CCDC171: variants seen among roughly 807,000 people sequenced by gnomAD.
The protein encoded by CCDC171 is coiled-coil domain containing 171.
CCDC171 carries 177 observed loss-of-function variants against 168.2 expected under a neutral mutation model. That is an observed-to-expected ratio of 1.05 (90% CI 0.93 to 1.19). The LOEUF (loss-of-function observed/expected upper bound fraction) is 1.19, where lower values mean the gene tolerates loss of function less well. CCDC171 is among the 50% of genes most tolerant of loss of function. CCDC171 has a pLI of 0.00. For missense variants in CCDC171, 1,991 were observed against 1,539.0 expected, an observed-to-expected ratio of 1.29 and a Z score of -4.91; for synonymous variants, 687 against 540.8, an observed-to-expected ratio of 1.27 and a Z score of -3.75.
At chr9:15,580,491 A>G (rs2041022423) in intron 4 of CCDC171, among the ~76,000 whole-genome samples, 1 of 152,214 alleles carries the variant, frequency 6.6e-6, no homozygotes, top group Admixed American at 6.5e-5. Flanking sequence ...GCATCTGACA[A>G]AGGAGTAATA....
chr9:15,578,891 G>T lies in CCDC171; in HGVS notation c.220G>T (p.Val74Phe), dbSNP rs1440379125. Residue 74 changes from valine to phenylalanine, a missense_variant, in exon 4 of 26, where the codon GTT becomes TTT. Coordinates refer to ENST00000380701, the MANE Select transcript of CCDC171 (RefSeq NM_173550.4). ...ESQIAKLRSE[V>F]EKGEALRQSL... ...CCAGATTGCCAAGCTACGGTCCGAG[G>T]TTGAAAAGGGAGAAGCATTGCGACA... The T allele has an allele frequency of 6.2e-7, 1 of 1,613,972 alleles. No homozygotes were observed. Among genetic ancestry groups the T allele is most frequent in the Non-Finnish European group, 8.5e-7 (1 of 1,179,932 alleles).
intron 1 of CCDC171, among the ~76,000 whole-genome samples, chr9:15,560,677 C>G (rs1423616050): frequency 6.6e-6 from 1 of 152,118 alleles, no homozygotes; most frequent in Admixed American, 6.5e-5. Context: ...TTTGAACATC[C>G]TCCTTTAGCT....
chr9:16,026,090 C>T (rs998189669), intron 6 of CCDC171, among the ~76,000 whole-genome samples: 1 of 152,150 alleles, frequency 6.6e-6, no homozygotes, highest in East Asian at 1.9e-4. Context: ...CTCAGAGATA[C>T]CATGTCACGC....
intron 22 of CCDC171, among the ~76,000 whole-genome samples, chr9:15,848,222 C>G (rs1372752048): frequency 1.3e-5 from 2 of 151,926 alleles, no homozygotes; most frequent in Non-Finnish European, 2.9e-5. Context: ...CTAAAGAAAG[C>G]TAATTTGAAA....
chr9:15,561,429 A>G (rs977696272), intron 1 of CCDC171, among the ~76,000 whole-genome samples: 2 of 152,206 alleles, frequency 1.3e-5, no homozygotes, highest in Non-Finnish European at 2.9e-5. Context: ...GGAATTTTTA[A>G]TCACTGACAT....
intron 6 of CCDC171, among the ~76,000 whole-genome samples, chr9:15,602,134 T>G (rs563645706): frequency 1.2e-3 from 177 of 152,346 alleles, no homozygotes; most frequent in African/African-American, 3.8e-3. Flanking sequence ...TTTAGAACTC[T>G]GTTTCTCAAT....
chr9:15,887,804 C>A (rs1363675572), intron 24 of CCDC171: 1 of 151,846 alleles, frequency 6.6e-6, no homozygotes, highest in Admixed American at 6.6e-5. Flanking sequence ...AAAGACTTGC[C>A]AATACTAGCC....
At chr9:15,613,674 C>T (rs2043874979) in intron 6 of CCDC171, among the ~76,000 whole-genome samples, 1 of 152,012 alleles carries the variant, frequency 6.6e-6, no homozygotes, top group Non-Finnish European at 1.5e-5. Flanking sequence ...AGGCATGCGC[C>T]ACCATGCCCG....
chr9:15,674,951 A>T (rs2049410326), intron 9 of CCDC171, among the ~76,000 whole-genome samples: 1 of 152,096 alleles, frequency 6.6e-6, no homozygotes, highest in South Asian at 2.1e-4. Flanking sequence ...TCTAATATTG[A>T]CAGTGGGGTT....
chr9:15,699,539 C>T (rs2051513198), intron 11 of CCDC171, among the ~76,000 whole-genome samples: 3 of 152,088 alleles, frequency 2.0e-5, no homozygotes, highest in Admixed American at 6.5e-5. Context: ...CTGATTGGTG[C>T]GTTTACTATC....
the CCDC171 span, among the ~76,000 whole-genome samples, chr9:16,086,878 A>G: frequency 6.6e-6 from 1 of 152,138 alleles, no homozygotes; most frequent in East Asian, 1.9e-4. Context: ...AGTGCTATAA[A>G]TTTCCCTCTA....
At chr9:16,044,786 C>G (rs1484384655) in intron 1 of CCDC171, among the ~76,000 whole-genome samples, 1 of 152,142 alleles carries the variant, frequency 6.6e-6, no homozygotes, top group Non-Finnish European at 1.5e-5. Flanking sequence ...GCCCCATGAA[C>G]TCTGCCTTGG....
At chr9:15,944,456 A>T (rs1589200254) in intron 25 of CCDC171, among the ~76,000 whole-genome samples, 2 of 152,012 alleles carry the variant, frequency 1.3e-5, no homozygotes, top group East Asian at 3.9e-4. Flanking sequence ...CATTTATCTA[A>T]TACTTTCCAT....
At chr9:15,579,733 T>C (rs1289943001) in intron 4 of CCDC171, among the ~76,000 whole-genome samples, 1 of 152,158 alleles carries the variant, frequency 6.6e-6, no homozygotes, top group African/African-American at 2.4e-5. Flanking sequence ...AATCATAAAG[T>C]ATATATTCTT....
At chr9:16,054,770 A>G (rs951475699) in intron 1 of CCDC171, among the ~76,000 whole-genome samples, 1 of 152,138 alleles carries the variant, frequency 6.6e-6, no homozygotes, top group African/African-American at 2.4e-5. Flanking sequence ...CTTCTCAGGG[A>G]AGTGTTATTG....
chr9:15,597,744 G>C (rs2042486522), intron 6 of CCDC171, among the ~76,000 whole-genome samples: 1 of 152,134 alleles, frequency 6.6e-6, no homozygotes, highest in East Asian at 1.9e-4. Context: ...TTGTACCTCT[G>C]GTAGAATTCG....
At chr9:15,680,188 A>G (rs1314868886) in intron 10 of CCDC171, among the ~76,000 whole-genome samples, 1 of 152,212 alleles carries the variant, frequency 6.6e-6, no homozygotes, top group African/African-American at 2.4e-5. Flanking sequence ...AGATTCCACT[A>G]TAGTACTTGG....
At chr9:16,020,169 C>T (rs1313630169) in intron 3 of CCDC171, among the ~76,000 whole-genome samples, 1 of 152,098 alleles carries the variant, frequency 6.6e-6, no homozygotes, top group Non-Finnish European at 1.5e-5. Context: ...ATACATAACA[C>T]CGAACACAAA....
At chr9:15,765,081 G>T (rs186781369) in intron 18 of CCDC171, among the ~76,000 whole-genome samples, 8 of 152,330 alleles carry the variant, frequency 5.3e-5, no homozygotes, top group Admixed American at 5.2e-4. Flanking sequence ...GAATGCTGCT[G>T]CTAAGGTGAA....
Sources: allele counts gnomAD v4.1 joint callset (sites outside exome capture counted in the v4.1 genomes callset), GRCh38; gene constraint gnomAD v4.1.1; transcripts MANE v1.5; gene names NCBI Gene and HGNC (gene_info 2026-07-23, HGNC 2026-07-21).